Variants in SYT16 observed in about 807,000 individuals in gnomAD.
SYT16 encodes the protein synaptotagmin 16.
In SYT16, 42 loss-of-function variants were observed where a neutral mutation model predicts 61.4. That is an observed-to-expected ratio of 0.68 (90% confidence interval 0.53 to 0.89). The LOEUF is 0.89. Among genes scored for constraint, SYT16 ranks in the 40% least tolerant of loss-of-function variants. The probability of loss-of-function intolerance (pLI) is 0.00; values close to 1 mark genes in which losing one functional copy is unlikely to be tolerated. For missense variants in SYT16, 804 were observed against 807.3 expected (o/e 1.00, Z 0.05); for synonymous variants, 314 against 302.3 (o/e 1.04, Z -0.40).
At chr14:62,042,258 C>T (rs896657600) in intron 3 of SYT16, among the ~76,000 whole-genome samples, 15 of 152,056 alleles carry the variant, frequency 9.9e-5, no homozygotes, top group African/African-American at 1.9e-4. Flanking sequence ...CCATGTCGGC[C>T]TCCCAAAGTG....
At chr14:61,827,687 T>C (rs2045813938) in intron 1 of SYT16, among the ~76,000 whole-genome samples, 1 of 152,200 alleles carries the variant, frequency 6.6e-6, no homozygotes, top group Non-Finnish European at 1.5e-5. Context: ...TTGGATTATT[T>C]ACACACTTTT....
chr14:61,977,555 G>A (rs2051869220), intron 2 of SYT16, among the ~76,000 whole-genome samples: 1 of 152,144 alleles, frequency 6.6e-6, no homozygotes, highest in Non-Finnish European at 1.5e-5. Context: ...TCACTATCAT[G>A]AGAACAGCAT....
intron 1 of SYT16, among the ~76,000 whole-genome samples, chr14:61,829,811 C>T (rs1030764353): frequency 2.4e-4 from 36 of 152,176 alleles, no homozygotes; most frequent in Admixed American, 9.2e-4. Flanking sequence ...CCAGCCACCA[C>T]GCCCAGCTAA....
chr14:61,849,212 C>G (rs970741536), intron 1 of SYT16, among the ~76,000 whole-genome samples: 2 of 152,126 alleles, frequency 1.3e-5, no homozygotes, highest in African/African-American at 2.4e-5. Context: ...CTTTACTCTT[C>G]TCTCTCCTCT....
chr14:62,052,529 T>A (rs1027711002), intron 3 of SYT16, among the ~76,000 whole-genome samples: 3 of 152,234 alleles, frequency 2.0e-5, no homozygotes, highest in Admixed American at 2.0e-4. Context: ...TTGATTGTTT[T>A]CCATCCTTCC....
At chr14:62,081,593 C>T (rs1332067887) in intron 6 of SYT16, among the ~76,000 whole-genome samples, 1 of 152,138 alleles carries the variant, frequency 6.6e-6, no homozygotes, top group East Asian at 1.9e-4. Context: ...CTCCTCCTGC[C>T]CCCAATCTGC....
intron 1 of SYT16, among the ~76,000 whole-genome samples, chr14:61,912,619 A>G (rs1465322912): frequency 6.6e-6 from 1 of 152,190 alleles, no homozygotes; most frequent in Non-Finnish European, 1.5e-5. Flanking sequence ...CGAGGAGTCT[A>G]TGTAACCTTG....
intron 1 of SYT16, among the ~76,000 whole-genome samples, chr14:61,948,598 G>T (rs2050542991): frequency 6.6e-6 from 1 of 152,114 alleles, no homozygotes; most frequent in African/African-American, 2.4e-5. Context: ...TCCCAGGCTT[G>T]ATGATGTTAG....
At chr14:61,889,927 G>A (rs968588330) in intron 1 of SYT16, among the ~76,000 whole-genome samples, 26 of 151,920 alleles carry the variant, frequency 1.7e-4, no homozygotes, top group Non-Finnish European at 1.2e-4. Context: ...CCCAAGGTCA[G>A]CCTAGTCAAG....
intron 1 of SYT16, among the ~76,000 whole-genome samples, chr14:61,813,618 G>A (rs566281947): frequency 6.6e-6 from 1 of 152,216 alleles, no homozygotes; most frequent in East Asian, 1.9e-4. Flanking sequence ...TGAGTGAATG[G>A]GGCTGGATGT....
chr14:62,039,057 A>G (rs1403361277), intron 3 of SYT16, among the ~76,000 whole-genome samples: 2 of 152,240 alleles, frequency 1.3e-5, no homozygotes, highest in Non-Finnish European at 2.9e-5. Flanking sequence ...ACAGCTAACA[A>G]GTGGCAGAAC....
At chr14:62,011,920 C>CATATATATATATATAT (rs1165099592) in intron 3 of SYT16, among the ~76,000 whole-genome samples, 19 of 104,646 alleles carry the variant, frequency 1.8e-4, no homozygotes, top group African/African-American at 7.6e-4. Context: ...TATACACACA[C>CATATATATATATATAT]ACACACATAT....
intron 1 of SYT16, among the ~76,000 whole-genome samples, chr14:61,813,453 C>T (rs1401342897): frequency 6.9e-6 from 1 of 145,656 alleles, no homozygotes; most frequent in Middle Eastern, 3.6e-3. Context: ...AATTGGAATC[C>T]CGTCTGTGAA....
At chr14:61,967,395 G>A (rs1236268195) in intron 1 of SYT16, among the ~76,000 whole-genome samples, 1 of 152,134 alleles carries the variant, frequency 6.6e-6, no homozygotes, top group Non-Finnish European at 1.5e-5. Flanking sequence ...CACAAACTTG[G>A]TGACTTAAGA....
At chr14:62,014,788 T>G (rs2053602275) in intron 3 of SYT16, among the ~76,000 whole-genome samples, 1 of 152,070 alleles carries the variant, frequency 6.6e-6, no homozygotes, top group Non-Finnish European at 1.5e-5. Context: ...AGTTTCCCCC[T>G]CCGAATGTTC....
At chr14:61,865,389 T>A in intron 1 of SYT16, 1 of 619,988 alleles carries the variant, frequency 1.6e-6, no homozygotes, top group South Asian at 1.4e-5. Context: ...CTCTCCTCAT[T>A]TATGTGATTT....
At chr14:61,841,889 A>G (rs936628088) in intron 1 of SYT16, among the ~76,000 whole-genome samples, 3 of 152,090 alleles carry the variant, frequency 2.0e-5, no homozygotes, top group African/African-American at 4.8e-5. Flanking sequence ...TGGGGTATCT[A>G]TGCCATATTT....
chr14:62,069,964 CT>C (rs1304594334), intron 4 of SYT16, 149 bp downstream of exon 4: 30 of 910,794 alleles, frequency 3.3e-5, no homozygotes, highest in Non-Finnish European at 4.4e-5. Context: ...AAAGGGGCTG[CT>C]TTGAACCTCC....
At chr14:62,002,558 G>A (rs573405594) in intron 3 of SYT16, among the ~76,000 whole-genome samples, 4 of 152,182 alleles carry the variant, frequency 2.6e-5, no homozygotes, top group Admixed American at 6.5e-5. Flanking sequence ...TCGGTCTTAG[G>A]CAATTGCTGT....
Sources: gnomAD v4.1 joint callset for allele counts (sites outside exome capture counted in the v4.1 genomes callset) on GRCh38, gnomAD v4.1.1 for gene constraint, MANE v1.5 for transcripts, NCBI Gene and HGNC (gene_info 2026-07-23, HGNC 2026-07-21) for gene names.